ATRN: variants seen among roughly 807,000 people sequenced by gnomAD.
The protein encoded by ATRN is attractin, also known as attractin-2.
ATRN carries 54 observed loss-of-function variants against 178.7 expected under a neutral mutation model. That is an observed-to-expected ratio of 0.30 (90% CI 0.24 to 0.38). ATRN has a LOEUF of 0.38. ATRN is among the 10% of genes least tolerant of loss of function. ATRN has a pLI of 1.00. For synonymous variants in ATRN, 636 were observed against 663.0 expected (o/e 0.96, Z 0.63); for missense variants, 1,443 against 1,815.1 (o/e 0.79, Z 3.73).
chr20:3,588,586 A>G (rs559971452), intron 18 of ATRN, among the ~76,000 whole-genome samples: 103 of 152,142 alleles, frequency 6.8e-4, no homozygotes, highest in East Asian at 2.3e-3. Context: ...GTTGGATTCT[A>G]TTTGCTAGTT....
intron 15 of ATRN, among the ~76,000 whole-genome samples, chr20:3,581,208 T>C (rs545489361): frequency 6.6e-6 from 1 of 152,212 alleles, no homozygotes; most frequent in Non-Finnish European, 1.5e-5. Flanking sequence ...GCCATGATCA[T>C]GTCCCTGCAC....
At chr20:3,512,264 C>T (rs1392961370) in intron 1 of ATRN, among the ~76,000 whole-genome samples, 1 of 138,912 alleles carries the variant, frequency 7.2e-6, no homozygotes, top group East Asian at 2.2e-4. Context: ...CCCCTCCCCC[C>T]ACGCCACAAC....
chr20:3,493,878 C>G (rs1483872172), intron 1 of ATRN, among the ~76,000 whole-genome samples: 1 of 151,978 alleles, frequency 6.6e-6, no homozygotes, highest in Non-Finnish European at 1.5e-5. Context: ...TTTGTTGTTG[C>G]AAAACTGTGT....
intron 1 of ATRN, among the ~76,000 whole-genome samples, chr20:3,502,650 C>T (rs968774443): frequency 3.3e-5 from 5 of 152,196 alleles, no homozygotes; most frequent in Admixed American, 1.3e-4. Context: ...GAAGCACATT[C>T]CTTCCTTGCC....
At chr20:3,621,590 CATT>C (rs1473565985) in intron 24 of ATRN, among the ~76,000 whole-genome samples, 1 of 152,098 alleles carries the variant, frequency 6.6e-6, no homozygotes, top group Non-Finnish European at 1.5e-5. Flanking sequence ...AGAAGAATGA[CATT>C]ATGAGTTTTA....
intron 1 of ATRN, among the ~76,000 whole-genome samples, chr20:3,478,907 C>G (rs955204819): frequency 6.8e-6 from 1 of 148,082 alleles, no homozygotes; most frequent in African/African-American, 2.5e-5. Flanking sequence ...TCTCTATAAT[C>G]TATAATTCAT....
intron 18 of ATRN, 144 bp downstream of exon 18, chr20:3,585,024 C>T: frequency 1.2e-6 from 1 of 802,040 alleles, no homozygotes; most frequent in Non-Finnish European, 2.0e-6. Flanking sequence ...AAGGAATAGA[C>T]CAGAAGCTGG....
intron 18 of ATRN, among the ~76,000 whole-genome samples, chr20:3,589,459 TTA>T (rs974304075): frequency 2.0e-5 from 3 of 152,124 alleles, no homozygotes; most frequent in African/African-American, 4.8e-5. Flanking sequence ...GCTTGCTCTC[TTA>T]TATTGTGGAT....
Position 3,584,056 on chromosome 20 carries a change from G to A in ATRN, c.2923G>A (p.Glu975Lys). ...CTCCTTCCCTTTTGGCCAGTGTATG[G>A]AATGGTATACGATGAGCACCTGCCC... ...VASFPFGQCMEWYTMSTCPPE... is the reference protein window; with the variant it reads ...VASFPFGQCMKWYTMSTCPPE... Residue 975 changes from glutamate (E) to lysine (K), a missense_variant, in exon 17 of 29, where the codon GAA becomes AAA. Transcript: ENST00000262919. 6.2e-7 allele frequency: 1 copy of A among 1,614,122 alleles called. No individual in the cohort carries two copies. The highest frequency in any genetic ancestry group is 8.5e-7 in the Non-Finnish European group (1 of 1,180,004).
At chr20:3,609,536 T>C (rs1364423628) in intron 24 of ATRN, among the ~76,000 whole-genome samples, 1 of 152,204 alleles carries the variant, frequency 6.6e-6, no homozygotes, top group Admixed American at 6.5e-5. Context: ...GCCTAGTTGC[T>C]CTGGTCAAAT....
At chr20:3,592,738 C>G (rs972131390) in intron 19 of ATRN, among the ~76,000 whole-genome samples, 1 of 152,166 alleles carries the variant, frequency 6.6e-6, no homozygotes, top group Non-Finnish European at 1.5e-5. Context: ...GTCCCTTACT[C>G]TCCCTGGGGT....
intron 1 of ATRN, among the ~76,000 whole-genome samples, chr20:3,516,431 C>A (rs1427126887): frequency 1.3e-5 from 2 of 152,024 alleles, no homozygotes; most frequent in Non-Finnish European, 2.9e-5. Context: ...ATTTTGTGAA[C>A]TGAGAAAAAA....
intron 1 of ATRN, among the ~76,000 whole-genome samples, chr20:3,493,890 A>G (rs1453070651): frequency 2.0e-5 from 3 of 152,204 alleles, no homozygotes; most frequent in Non-Finnish European, 2.9e-5. Context: ...AAACTGTGTT[A>G]GAGTTGATAC....
At chr20:3,535,974 G>A (rs1394816844) in intron 2 of ATRN, among the ~76,000 whole-genome samples, 1 of 152,024 alleles carries the variant, frequency 6.6e-6, no homozygotes, top group East Asian at 1.9e-4. Flanking sequence ...TTAGAAAATT[G>A]CAATATTGTG....
intron 24 of ATRN, among the ~76,000 whole-genome samples, chr20:3,611,314 A>G (rs946970957): frequency 6.6e-6 from 1 of 152,248 alleles, no homozygotes; most frequent in South Asian, 2.1e-4. Flanking sequence ...AATCTAGAAT[A>G]TAATAACTCT....
chr20:3,525,792 G>T (rs2146159632), intron 1 of ATRN, among the ~76,000 whole-genome samples: 1 of 152,202 alleles, frequency 6.6e-6, no homozygotes, highest in Non-Finnish European at 1.5e-5. Context: ...CAGAACCAAT[G>T]ACAAAAACAC....
intron 3 of ATRN, 151 bp from the exon 4 acceptor site, chr20:3,545,611 G>T (rs2085689131): frequency 1.2e-6 from 1 of 860,760 alleles, no homozygotes; most frequent in Non-Finnish European, 1.8e-6. Context: ...AACTGATAGG[G>T]TAGCACTGTG....
At chr20:3,586,192 T>G (rs2086354911) in intron 18 of ATRN, among the ~76,000 whole-genome samples, 1 of 152,232 alleles carries the variant, frequency 6.6e-6, no homozygotes, top group Non-Finnish European at 1.5e-5. Context: ...AAATACCTGT[T>G]AGCTGGCAAA....
At chr20:3,576,811 G>C in intron 13 of ATRN, 48 bp from the exon 14 acceptor site, 2 of 1,602,470 alleles carry the variant, frequency 1.2e-6, no homozygotes, top group African/African-American at 2.7e-5. Flanking sequence ...CTCACCATAA[G>C]TTCTCTCTGT....
Sources: allele counts gnomAD v4.1 joint callset (sites outside exome capture counted in the v4.1 genomes callset), GRCh38; gene constraint gnomAD v4.1.1; transcripts MANE v1.5; gene names NCBI Gene and HGNC (gene_info 2026-07-23, HGNC 2026-07-21).